ARFIP1: variants seen among roughly 807,000 people sequenced by gnomAD.
ARFIP1 encodes the protein arfaptin-1.
In ARFIP1, 24 loss-of-function variants were observed where a neutral mutation model predicts 42.5. The ratio of observed to expected loss-of-function variants is 0.57; its 90% confidence interval spans 0.41 to 0.80. ARFIP1 has a LOEUF of 0.80. Among genes scored for constraint, ARFIP1 ranks in the 30% least tolerant of loss-of-function variants. The pLI, the probability that ARFIP1 is intolerant of heterozygous loss-of-function variation, is 0.00. For missense variants in ARFIP1, 354 were observed against 434.0 expected (o/e 0.82, Z 1.64); for synonymous variants, 141 against 153.7 (o/e 0.92, Z 0.61).
chr4:152,834,537 C>G (rs1210943360), intron 2 of ARFIP1, among the ~76,000 whole-genome samples: 1 of 152,228 alleles, frequency 6.6e-6, no homozygotes, highest in Non-Finnish European at 1.5e-5. Context: ...AGGCCCCACA[C>G]AAATCTGAAA....
At chr4:152,809,236 C>G (rs1299365197) in intron 1 of ARFIP1, among the ~76,000 whole-genome samples, 1 of 152,122 alleles carries the variant, frequency 6.6e-6, no homozygotes, top group Admixed American at 6.5e-5. Flanking sequence ...TTAGAATCAC[C>G]TGGTGAGCTT....
intron 3 of ARFIP1, among the ~76,000 whole-genome samples, chr4:152,865,872 A>AAT (rs1734280857): frequency 6.6e-6 from 1 of 152,066 alleles, no homozygotes. Context: ...AGATATTTTA[A>AAT]ATATATATAT....
chr4:152,906,159 CAAGG>C (rs1393185271), intron 8 of ARFIP1, among the ~76,000 whole-genome samples: 1 of 152,076 alleles, frequency 6.6e-6, no homozygotes, highest in African/African-American at 2.4e-5. Flanking sequence ...ATACAAGGGT[CAAGG>C]TTCATTTTTC....
chr4:152,896,214 A>G (rs553476103), intron 8 of ARFIP1, among the ~76,000 whole-genome samples: 64 of 151,874 alleles, frequency 4.2e-4, no homozygotes, highest in Non-Finnish European at 7.9e-4. Flanking sequence ...AGGCCAGAGC[A>G]TAATGGGAAC....
intron 2 of ARFIP1, among the ~76,000 whole-genome samples, chr4:152,860,893 T>C (rs539605576): frequency 6.6e-6 from 1 of 152,320 alleles, no homozygotes; most frequent in South Asian, 2.1e-4. Context: ...CAAATGTTGT[T>C]AATAGACAGT....
At chr4:152,792,694 T>G (rs779622993) in intron 1 of ARFIP1, among the ~76,000 whole-genome samples, 2 of 152,182 alleles carry the variant, frequency 1.3e-5, no homozygotes, top group Non-Finnish European at 2.9e-5. Flanking sequence ...TCCTGGGTGC[T>G]AAGAAGACCT....
At chr4:152,824,861 T>C (rs187866908) in intron 1 of ARFIP1, among the ~76,000 whole-genome samples, 1 of 152,168 alleles carries the variant, frequency 6.6e-6, no homozygotes, top group Admixed American at 6.6e-5. Context: ...ACAAAATCAG[T>C]GTACACAAAA....
At chr4:152,816,157 A>T (rs1729872649) in intron 1 of ARFIP1, among the ~76,000 whole-genome samples, 1 of 152,152 alleles carries the variant, frequency 6.6e-6, no homozygotes, top group Admixed American at 6.5e-5. Context: ...CCTGTGCATG[A>T]TTATTGTTTA....
chr4:152,855,250 G>A (rs1219753216), intron 2 of ARFIP1, among the ~76,000 whole-genome samples: 3 of 152,106 alleles, frequency 2.0e-5, no homozygotes, highest in African/African-American at 7.2e-5. Context: ...CAATGCTGTG[G>A]CCCCCAGACT....
chr4:152,827,218 T>A (rs896422477), intron 1 of ARFIP1, among the ~76,000 whole-genome samples: 8 of 152,144 alleles, frequency 5.3e-5, no homozygotes, highest in Non-Finnish European at 1.2e-4. Context: ...TTTCATAAGG[T>A]CATAATTTAG....
At chr4:152,829,191 T>A (rs72966446) in intron 1 of ARFIP1, among the ~76,000 whole-genome samples, 348 of 152,334 alleles carry the variant, frequency 2.3e-3, no homozygotes, top group African/African-American at 7.9e-3. Context: ...CTAAAGTTTG[T>A]GGATTTTTAA....
At chr4:152,908,413 G>A (rs1196761244) in intron 8 of ARFIP1, among the ~76,000 whole-genome samples, 5 of 151,944 alleles carry the variant, frequency 3.3e-5, no homozygotes, top group Non-Finnish European at 7.4e-5. Flanking sequence ...ATCACGAGAC[G>A]GTCTTGGCCA....
chr4:152,901,129 G>A (rs972534262), intron 8 of ARFIP1, among the ~76,000 whole-genome samples: 10 of 152,204 alleles, frequency 6.6e-5, no homozygotes, highest in African/African-American at 1.9e-4. Flanking sequence ...AACAAATTTA[G>A]TGCCTCTGAA....
At chr4:152,819,322 C>G (rs1433540788) in intron 1 of ARFIP1, among the ~76,000 whole-genome samples, 2 of 152,266 alleles carry the variant, frequency 1.3e-5, no homozygotes, top group East Asian at 3.9e-4. Context: ...ACTAGAAGGC[C>G]TTCAGTCTGT....
At chr4:152,835,558 AG>A (rs1731581088) in intron 2 of ARFIP1, among the ~76,000 whole-genome samples, 1 of 152,162 alleles carries the variant, frequency 6.6e-6, no homozygotes, top group African/African-American at 2.4e-5. Context: ...CCATTTAACC[AG>A]TCTCTAAGAG....
chr4:152,793,805 T>A (rs552926195), intron 1 of ARFIP1, among the ~76,000 whole-genome samples: 3 of 152,310 alleles, frequency 2.0e-5, no homozygotes, highest in African/African-American at 7.2e-5. Context: ...TCATTGGTGC[T>A]GTTTTATACA....
intron 3 of ARFIP1, among the ~76,000 whole-genome samples, chr4:152,865,881 A>T (rs925032385): frequency 3.3e-5 from 5 of 152,182 alleles, no homozygotes; most frequent in African/African-American, 1.2e-4. Flanking sequence ...AAATATATAT[A>T]TTTTTTAATT....
chr4:152,899,305 C>T (rs1737620135), intron 8 of ARFIP1, among the ~76,000 whole-genome samples: 1 of 152,108 alleles, frequency 6.6e-6, no homozygotes, highest in African/African-American at 2.4e-5. Flanking sequence ...GGATCCCCTC[C>T]TCTTTCTATT....
intron 1 of ARFIP1, among the ~76,000 whole-genome samples, chr4:152,805,766 A>G (rs76629232): frequency 0.014 from 2,165 of 152,232 alleles, 52 homozygotes; most frequent in African/African-American, 0.049. Context: ...GCTATGAGGT[A>G]GGTACCATTA....
Sources: allele counts gnomAD v4.1 joint callset (sites outside exome capture counted in the v4.1 genomes callset), GRCh38; gene constraint gnomAD v4.1.1; transcripts MANE v1.5; gene names NCBI Gene and HGNC (gene_info 2026-07-23, HGNC 2026-07-21).